OXR1: variants seen among roughly 807,000 people sequenced by gnomAD.
OXR1 encodes the protein oxidation resistance protein 1.
OXR1 carries 41 observed loss-of-function variants against 104.6 expected under a neutral mutation model. The observed-to-expected ratio is 0.39, with a 90% CI of 0.31 to 0.51. The LOEUF is 0.51. Among genes scored for constraint, OXR1 ranks in the 20% least tolerant of loss-of-function variants. The probability of loss-of-function intolerance (pLI) is 0.77; values close to 1 mark genes in which losing one functional copy is unlikely to be tolerated. For synonymous variants in OXR1, 348 were observed against 348.4 expected, an observed-to-expected ratio of 1.00 and a Z score of 0.01; for missense variants, 955 against 1,031.9, an observed-to-expected ratio of 0.93 and a Z score of 1.02.
chr8:106,483,085 G>T (rs932860014), intron 2 of OXR1, among the ~76,000 whole-genome samples: 1 of 151,970 alleles, frequency 6.6e-6, no homozygotes, highest in African/African-American at 2.4e-5. Flanking sequence ...TAGGGGAAAA[G>T]AAATACAATA....
intron 2 of OXR1, among the ~76,000 whole-genome samples, chr8:106,484,542 A>C (rs1377724855): frequency 6.6e-6 from 1 of 152,116 alleles, no homozygotes; most frequent in Non-Finnish European, 1.5e-5. Context: ...TAAAATATAC[A>C]GATGGCAAAT....
chr8:106,514,517 G>C (rs1812740384), intron 2 of OXR1, among the ~76,000 whole-genome samples: 1 of 152,046 alleles, frequency 6.6e-6, no homozygotes, highest in Admixed American at 6.6e-5. Context: ...AAGAGTGTTT[G>C]GTGAGGAGGG....
intron 2 of OXR1, among the ~76,000 whole-genome samples, chr8:106,511,098 C>G (rs1308714394): frequency 6.6e-6 from 1 of 152,138 alleles, no homozygotes; most frequent in Non-Finnish European, 1.5e-5. Flanking sequence ...TTGTTTTCTT[C>G]TTTTAAAGCA....
chr8:106,441,577 C>G (rs2602293), intron 2 of OXR1, among the ~76,000 whole-genome samples: 58,297 of 151,866 alleles, frequency 0.38, 11,695 homozygotes, highest in East Asian at 0.78. Flanking sequence ...TTGTTTGTGT[C>G]CTCTCTTACT....
rs1279519311 is a variant in OXR1, at chr8:106,318,275, A to G, written c.-138-41201A>G. ...TTCCCTGCCCTAGAACTGAGTTGTT[A>G]AAATCCAAAACAATATGCTTTTTAA... On this transcript the variant is annotated intron_variant, in intron 1 of 16. Transcript: ENST00000517566. Among the ~76,000 whole-genome samples, 5 of 152,354 alleles carry G rather than the reference A, an allele frequency of 3.3e-5. No homozygotes were observed. The South Asian group carries it at 1.0e-3, about 32-fold the overall frequency.
chr8:106,512,583 T>A (rs1267298143), intron 2 of OXR1, among the ~76,000 whole-genome samples: 1 of 145,218 alleles, frequency 6.9e-6, no homozygotes, highest in East Asian at 1.9e-4. Context: ...ATAAAAACAC[T>A]TTTTTATGCG....
chr8:106,593,849 T>G (rs1467827906), intron 3 of OXR1, among the ~76,000 whole-genome samples: 1 of 152,216 alleles, frequency 6.6e-6, no homozygotes, highest in Non-Finnish European at 1.5e-5. Context: ...TCAAGGTTTA[T>G]GGTATGCTTT....
In OXR1 at chr8:106,563,911, G is replaced by A. The variant is rs1185818421; in HGVS notation, c.220+44772G>A. 2.0e-5 allele frequency among the ~76,000 whole-genome samples: 3 copies of A among 152,054 alleles called. No individual in the cohort carries two copies. In the East Asian group the frequency reaches 5.8e-4, roughly 29 times the overall value. On this transcript the variant is annotated intron_variant, in intron 3 of 16. Transcript: ENST00000517566. ...CTACTGGGTAAATAACAAAATTAAG[G>A]AAGAAATAAATAAGTTCTTTGAAAC...
At chr8:106,363,651 G>T (rs1816341568) in intron 2 of OXR1, among the ~76,000 whole-genome samples, 1 of 149,894 alleles carries the variant, frequency 6.7e-6, no homozygotes, top group Non-Finnish European at 1.5e-5. Context: ...CACTCCATTT[G>T]GTGGATATAG....
At chr8:106,332,307 A>T (rs2130230790) in intron 1 of OXR1, among the ~76,000 whole-genome samples, 1 of 152,272 alleles carries the variant, frequency 6.6e-6, no homozygotes, top group Middle Eastern at 3.4e-3. Context: ...CCAGTTGGAT[A>T]TCCACTATCT....
At chr8:106,627,551 T>G (rs1241692903) in intron 3 of OXR1, among the ~76,000 whole-genome samples, 4 of 134,870 alleles carry the variant, frequency 3.0e-5, no homozygotes. Flanking sequence ...AGTGGCTTAA[T>G]GATGATGACA....
At chr8:106,615,210 A>C (rs552688733) in intron 3 of OXR1, among the ~76,000 whole-genome samples, 1 of 152,166 alleles carries the variant, frequency 6.6e-6, no homozygotes, top group South Asian at 2.1e-4. Context: ...CAGGTAGATC[A>C]CTTGAGGTCA....
intron 2 of OXR1, among the ~76,000 whole-genome samples, chr8:106,501,451 A>AAGCC (rs1482080749): frequency 5.9e-5 from 9 of 152,336 alleles, no homozygotes; most frequent in African/African-American, 2.2e-4. Context: ...GTGGGATGAG[A>AAGCC]AGCCAATGGA....
chr8:106,377,961 G>T (rs561399167), intron 2 of OXR1, among the ~76,000 whole-genome samples: 23 of 151,926 alleles, frequency 1.5e-4, no homozygotes, highest in Non-Finnish European at 2.8e-4. Flanking sequence ...TTTTCTATTT[G>T]TATATTTCTA....
intron 6 of OXR1, among the ~76,000 whole-genome samples, chr8:106,687,845 G>T (rs1828890420): frequency 6.6e-6 from 1 of 152,148 alleles, no homozygotes; most frequent in African/African-American, 2.4e-5. Flanking sequence ...AGGTCACTCA[G>T]CTAGTAGCTA....
chr8:106,382,682 GTTTTTTTTTTTTTTT>G (rs35296978), intron 2 of OXR1, among the ~76,000 whole-genome samples: 1 of 86,190 alleles, frequency 1.2e-5, no homozygotes, highest in Non-Finnish European at 2.2e-5. Flanking sequence ...AGAACTATAG[GTTTTTTTTTTTTTTT>G]TTTTTTTTTT....
At chr8:106,735,345 A>C (rs1189954736) in intron 11 of OXR1, among the ~76,000 whole-genome samples, 1 of 152,044 alleles carries the variant, frequency 6.6e-6, no homozygotes, top group East Asian at 1.9e-4. Flanking sequence ...GAAAGAGTAG[A>C]TTTGTGACAT....
intron 1 of OXR1, among the ~76,000 whole-genome samples, chr8:106,358,611 GA>G (rs1182205847): frequency 6.6e-6 from 1 of 152,154 alleles, no homozygotes; most frequent in African/African-American, 2.4e-5. Flanking sequence ...TTGTTTAATT[GA>G]AAAACACTGG....
rs1372429218 is a variant in OXR1, at chr8:106,739,600, T to C, written c.2163+17T>C. The C allele has an allele frequency of 6.2e-7, 1 of 1,611,596 alleles. No homozygotes were observed. Among genetic ancestry groups the C allele is most frequent in the Non-Finnish European group, 8.5e-7 (1 of 1,178,888 alleles). ...ATTGAAAAGGTATGACATGCTCACA[T>C]ATGTGCATTTCTGAGTGTGAGTGTG... On this transcript the variant is annotated intron_variant, in intron 13 of 16. Transcript: ENST00000517566.
Sources: allele counts gnomAD v4.1 joint callset (sites outside exome capture counted in the v4.1 genomes callset), GRCh38; gene constraint gnomAD v4.1.1; transcripts MANE v1.5; gene names NCBI Gene and HGNC (gene_info 2026-07-23, HGNC 2026-07-21).